The following PKD1 variants were observed in gnomAD, a reference collection of about 807,000 sequenced individuals.
PKD1 encodes the protein polycystin-1.
In PKD1, 81 loss-of-function variants were observed where a neutral mutation model predicts 361.7. The observed-to-expected ratio is 0.22, with a 90% CI of 0.19 to 0.27. The LOEUF is 0.27. Ranked by LOEUF, PKD1 falls within the 10% of genes least tolerant of loss-of-function variation. The pLI is 1.00. For synonymous variants in PKD1, 3,615 were observed against 2,818.3 expected (o/e 1.28, Z -8.95); for missense variants, 6,399 against 6,118.3 (o/e 1.05, Z -1.53).
At position 2,105,960 on chromosome 16, in the gene PKD1, C is replaced by T. The variant is rs372104982; in HGVS notation, c.7768G>A (p.Gly2590Arg). 2.1e-5 allele frequency: 33 copies of T among 1,600,024 alleles called. No homozygotes were observed. Among genetic ancestry groups the T allele is most frequent in the African/African-American group, 2.0e-4 (15 of 74,832 alleles). Residue 2590 changes from glycine to arginine, a missense_variant, in exon 20 of 46, where the codon GGG (glycine) becomes AGG (arginine). Physicochemically the swap from Gly to Arg is moderately radical, Grantham distance 125. Coordinates refer to ENST00000262304, the MANE Select transcript of PKD1 (RefSeq NM_001009944.3). Reference sequence around the variant, plus strand: ...CCTGGGAGCACACTAGCGGTGAGCCCGTGCAGCCAGACTGTGAGCCCCGTT... The same window carrying T: ...CCTGGGAGCACACTAGCGGTGAGCCTGTGCAGCCAGACTGTGAGCCCCGTT... ...SATGLTVWLH[G>R]LTASVLPGLL...
chr16:2,103,219 C>G, intron 23 of PKD1, 47 bp downstream of exon 23: 2 of 1,595,294 alleles, frequency 1.3e-6, no homozygotes, highest in South Asian at 1.1e-5. Context: ...GCCTTCCCCC[C>G]AAGAACAAGG....
chr16:2,107,368 C>G, intron 16 of PKD1: 2 of 368,948 alleles, frequency 5.4e-6, no homozygotes, highest in Non-Finnish European at 1.0e-5. Context: ...CTCCCACACC[C>G]TCCCCTCAGA....
rs1049286401 is a variant in PKD1, at chr16:2,114,913, C to T, written c.2110G>A (p.Gly704Ser). 1.4e-5 allele frequency: 21 copies of T among 1,531,192 alleles called. No individual in the cohort carries two copies. In the African/African-American group the frequency reaches 2.1e-4, roughly 15 times the overall value. The allele number at this position is 1,531,192 out of a possible 1,614,324, so 94.9% of individuals were successfully genotyped here. A position where few individuals can be genotyped will look rare whatever the true frequency, so the allele number is the denominator to read the frequency against. The change falls in exon 11 of 46, where the codon GGC becomes AGC. Residue 704 changes from glycine to serine, a missense_variant. Physicochemically the swap from Gly to Ser is moderately conservative, Grantham distance 56. Transcript: ENST00000262304. ...PPAQYSVTLH[G>S]QDVLMLPGDL... ...CCAGGGAGCATGAGGACATCCTGGC[C>T]GTGGAGGGTGACCTGTGGAGAGGGA... is the stretch of plus-strand genomic sequence containing the variant.
chr16:2,111,959 G>T, intron 14 of PKD1, 88 bp from the exon 15 acceptor site: 2 of 1,410,618 alleles, frequency 1.4e-6, no homozygotes, highest in South Asian at 2.4e-5. Flanking sequence ...GAGGAGCCCG[G>T]GGTGAACGGC....
chr16:2,124,722 C>T (rs898754691), intron 1 of PKD1, among the ~76,000 whole-genome samples: 1 of 152,210 alleles, frequency 6.6e-6, no homozygotes, highest in African/African-American at 2.4e-5. Context: ...ATTCCAGACA[C>T]GTGTGGTCAG....
chr16:2,107,562 C>T (rs1017205137), intron 16 of PKD1: 8 of 465,842 alleles, frequency 1.7e-5, no homozygotes, highest in Admixed American at 1.7e-4. Context: ...AACCGGCCCA[C>T]CACATCCAGC....
intron 31 of PKD1, 40 bp from the exon 32 acceptor site, chr16:2,097,820 G>A (rs1459985128): frequency 6.2e-7 from 1 of 1,611,042 alleles, no homozygotes; most frequent in Admixed American, 1.7e-5. Flanking sequence ...GCTGCGCCAA[G>A]GCGGCAGGAC....
In PKD1 at chr16:2,093,724, G is replaced by A. The variant is rs377106968; in HGVS notation, c.10836C>T (p.Ala3612=). 1.3e-6 allele frequency: 2 copies of A among 1,588,486 alleles called. No individual in the cohort carries two copies. The highest frequency in any genetic ancestry group is 1.7e-6 in the Non-Finnish European group (2 of 1,166,794). The part of the protein sequence containing the change: ...GWEPLKVLLE[A]LYFSLVAKRL... ...GCTTGGCCACCAGTGAGAAGTACAG[G>A]GCTTCCAGCAAGACCTGGGGAGGGG... The change falls in exon 37 of 46, where the codon GCC becomes GCT. Residue 3612 remains alanine, a synonymous_variant. Transcript: ENST00000262304.
chr16:2,106,676 C>T lies in PKD1; in HGVS notation c.7211G>A (p.Arg2404Gln), dbSNP rs376056317. The change falls in exon 18 of 46, where the codon CGG becomes CAG. Residue 2404 changes from arginine (R) to glutamine (Q), a missense_variant and splice_region_variant. By Grantham distance (43) the Arg-to-Gln change is conservative. Coordinates refer to ENST00000262304, the MANE Select transcript of PKD1 (RefSeq NM_001009944.3). The surrounding 1 kb of genome is among the most constrained non-coding windows in gnomAD (Gnocchi z 6.5). ...GTTGCTGAACGTACGTGCAGCCCACCGCTGCAGGCAGAAGGGGTGGTGAGG... is the reference window on the plus strand; with the variant it reads ...GTTGCTGAACGTACGTGCAGCCCACTGCTGCAGGCAGAAGGGGTGGTGAGG... ...LNCSSGSKRG[R>Q]WAARTFSNKT... is the part of the protein sequence containing the mutation. 71 of 1,593,006 alleles carry T rather than the reference C, an allele frequency of 4.5e-5. No homozygotes were observed. Among genetic ancestry groups the T allele is most frequent in the South Asian group, 4.3e-4 (39 of 90,604 alleles).
chr16:2,116,909 C>G lies in PKD1; in HGVS notation c.1530G>C (p.Arg510=). The change falls in exon 7 of 46, where the codon CGG becomes CGC. Residue 510 remains arginine, a synonymous_variant. Transcript: ENST00000262304. The stretch of plus-strand genomic sequence containing the variant: ...TGTTACACCACCCGGTGGGCCCGAG[C>G]CGGACGCAGTGCTCGGCTGTGGCTG... ...PHPATAEHCV[R]LGPTGWCNTD... 5 of 1,520,356 alleles carry G rather than the reference C, an allele frequency of 3.3e-6. No individual in the cohort carries two copies. The highest frequency in any genetic ancestry group is 1.4e-5 in the African/African-American group (1 of 73,094). The allele number at this position is 1,520,356 out of a possible 1,614,324, so 94.2% of individuals were successfully genotyped here. A position where few individuals can be genotyped will look rare whatever the true frequency, so the allele number is the denominator to read the frequency against.
In PKD1 at chr16:2,110,466, G is replaced by A; in HGVS notation, c.4701C>T (p.Ser1567=). The change falls in exon 15 of 46, where the codon AGC becomes AGT. Residue 1567 remains serine (S), a synonymous_variant. Transcript: ENST00000262304. ...RTVVPLNGSV[S]FSTSLEAGSD... ...TGCCGGCCTCCAGCGACGTGCTGAA[G>A]CTCACGCTCCCATTCAGGGGCACCA... 1.2e-6 allele frequency: 2 copies of A among 1,612,548 alleles called. No homozygotes were observed. The highest frequency in any genetic ancestry group is 1.3e-5 in the African/African-American group (1 of 75,060).
chr16:2,101,805 T>C, intron 26 of PKD1: 1 of 597,410 alleles, frequency 1.7e-6, no homozygotes, highest in Non-Finnish European at 3.0e-6. Flanking sequence ...ACGTCACTTG[T>C]GGGGCCACGC....
Position 2,103,289 on chromosome 16 carries a change from T to C in PKD1, c.8768A>G (p.Gln2923Arg). 1 of 1,609,638 alleles carries C rather than the reference T, an allele frequency of 6.2e-7. No individual in the cohort carries two copies. The highest frequency in any genetic ancestry group is 1.7e-5 in the Admixed American group (1 of 60,000). The change falls in exon 23 of 46, where the codon CAG becomes CGG. Residue 2923 changes from glutamine (Q) to arginine (R), a missense_variant. Physicochemically the swap from Gln to Arg is conservative, Grantham distance 43. Transcript: ENST00000262304. Reference sequence around the variant, plus strand: ...ACCGTCCAGCAGCGTATAGTTGAGCTGCAGATGCAGCCCGGCCGCAGGGTT... The same window carrying C: ...ACCGTCCAGCAGCGTATAGTTGAGCCGCAGATGCAGCCCGGCCGCAGGGTT... ...SSNPAAGLHLQLNYTLLDGHY... is the reference protein window; with the variant it reads ...SSNPAAGLHLRLNYTLLDGHY...
At position 2,109,989 on chromosome 16, in the gene PKD1, G is replaced by A. The variant is rs1488945914; in HGVS notation, c.5178C>T (p.Ser1726=). 1.9e-6 allele frequency: 3 copies of A among 1,609,874 alleles called. No homozygotes were observed. The highest frequency in any genetic ancestry group is 2.2e-5 in the East Asian group (1 of 44,878). The change falls in exon 15 of 46, where the codon TCC becomes TCT. Residue 1726 remains serine, a synonymous_variant. Coordinates refer to ENST00000262304, the MANE Select transcript of PKD1 (RefSeq NM_001009944.3). ...TTGTGTTGACGGCAGCTGGGTTCGG[G>A]GAGGCGGCCACCATCAGCCACCCCA... ...EPVGWLMVAA[S]PNPAAVNTSV...
chr16:2,108,527 G>A lies in PKD1; in HGVS notation c.6640C>T (p.Pro2214Ser), dbSNP rs1567191971. The A allele has an allele frequency of 1.9e-6, 3 of 1,608,872 alleles. No individual in the cohort carries two copies. The highest frequency in any genetic ancestry group is 1.7e-6 in the Non-Finnish European group (2 of 1,178,920). The change falls in exon 15 of 46, where the codon CCT becomes TCT. Residue 2214 changes from proline (P) to serine (S), a missense_variant. Transcript: ENST00000262304. ...VALPGVDVSR[P>S]RLVLPRLALP... ...GCCAGCCGCGGCAGCACCAGCCGAG[G>A]CCGGCTCACGTCCACGCCGGGCAGG...
At position 2,115,608 on chromosome 16, in the gene PKD1, T is replaced by G. The variant is rs750430411; in HGVS notation, c.1867A>C (p.Ser623Arg). ...LSTAGTPENG[S>R]EPESRSPDNR... is the part of the protein sequence containing the mutation. Reference sequence around the variant, plus strand: ...TCCGGGGACCTGCTCTCAGGCTCGCTGCCGTTCTCCGGGGTCCCTGTGAGG... The same window carrying G: ...TCCGGGGACCTGCTCTCAGGCTCGCGGCCGTTCTCCGGGGTCCCTGTGAGG... Residue 623 changes from serine to arginine, a missense_variant, in exon 10 of 46, where the codon AGC (serine) becomes CGC (arginine). Ser to Arg is a moderately radical substitution (Grantham distance 110). Coordinates refer to ENST00000262304, the MANE Select transcript of PKD1 (RefSeq NM_001009944.3). 496 of 1,601,064 alleles carry G rather than the reference T, an allele frequency of 3.1e-4. No individual in the cohort carries two copies. The highest frequency in any genetic ancestry group is 4.1e-4 in the Non-Finnish European group (482 of 1,176,218).
intron 1 of PKD1, among the ~76,000 whole-genome samples, chr16:2,128,352 G>A (rs1444563754): frequency 6.8e-6 from 1 of 147,626 alleles, no homozygotes; most frequent in Non-Finnish European, 1.5e-5. Context: ...AGAGGTGGGA[G>A]GGGCTGGCAG....
chr16:2,107,868 G>A lies in PKD1; in HGVS notation c.7065+15C>T, dbSNP rs1393864631. 4.5e-6 allele frequency: 7 copies of A among 1,542,564 alleles called. No homozygotes were observed. The Admixed American group carries it at 7.8e-5, about 17-fold the overall frequency. ...GCTGTCCAAGGCAAGTGGCCGAGGGGCGGGCGGCACCCACCGTCTGGTTGG... is the reference window on the plus strand; with the variant it reads ...GCTGTCCAAGGCAAGTGGCCGAGGGACGGGCGGCACCCACCGTCTGGTTGG... On this transcript the variant is annotated intron_variant, in intron 16 of 45. Transcript: ENST00000262304.
rs529385172 is a variant in PKD1, at chr16:2,126,489, T to C, written c.216-7111A>G. On this transcript the variant is annotated intron_variant, in intron 1 of 45. Coordinates refer to ENST00000262304, the MANE Select transcript of PKD1 (RefSeq NM_001009944.3). ...TCCTGCCACCAGTGCCTGGGCACCC[T>C]GGCCCCTAGGCAAGGACAGCTGCCA... 2.6e-3 allele frequency among the ~76,000 whole-genome samples: 392 copies of C among 152,390 alleles called. 2 individuals are homozygous for C. The highest frequency in any genetic ancestry group is 8.9e-3 in the African/African-American group (369 of 41,596).
Sources: gnomAD v4.1 joint callset for allele counts (sites outside exome capture counted in the v4.1 genomes callset) on GRCh38, gnomAD v4.1.1 for gene constraint, Gnocchi (gnomAD v3.1) non-coding constraint, MANE v1.5 for transcripts, NCBI Gene and HGNC (gene_info 2026-07-23, HGNC 2026-07-21) for gene names.